Variants in ADGRL3 observed in about 807,000 individuals in gnomAD.
The protein encoded by ADGRL3 is adhesion G protein-coupled receptor L3.
A neutral mutation model predicts 153.5 loss-of-function variants in ADGRL3; 62 were observed. The observed-to-expected ratio is 0.40, with a 90% CI of 0.33 to 0.50. ADGRL3 has a LOEUF of 0.50. Ranked by LOEUF, ADGRL3 falls within the 20% of genes least tolerant of loss-of-function variation. The probability of loss-of-function intolerance (pLI) is 0.47; values close to 1 mark genes in which losing one functional copy is unlikely to be tolerated. For synonymous variants in ADGRL3, 710 were observed against 672.5 expected, an observed-to-expected ratio of 1.06 and a Z score of -0.86; for missense variants, 1,641 against 1,859.4, an observed-to-expected ratio of 0.88 and a Z score of 2.16.
chr4:61,844,013 C>G (rs1204861789), intron 9 of ADGRL3, among the ~76,000 whole-genome samples: 3 of 144,118 alleles, frequency 2.1e-5, no homozygotes, highest in Non-Finnish European at 4.6e-5. Context: ...GAGCAAAACC[C>G]TGTCTTGAAA....
At chr4:61,903,413 G>C (rs6813183) in intron 11 of ADGRL3, among the ~76,000 whole-genome samples, 101,845 of 151,896 alleles carry the variant, frequency 0.67, 34,471 homozygotes, top group Non-Finnish European at 0.72. Flanking sequence ...CTCGTCCCAA[G>C]CCCATGAGGG....
chr4:61,390,513 T>C (rs998770050), intron 2 of ADGRL3, among the ~76,000 whole-genome samples: 2 of 152,238 alleles, frequency 1.3e-5, no homozygotes, highest in African/African-American at 4.8e-5. Context: ...CATTTTGTTT[T>C]CTTGCAGGAG....
At chr4:61,737,092 A>T (rs1561149246) in intron 8 of ADGRL3, among the ~76,000 whole-genome samples, 2 of 151,886 alleles carry the variant, frequency 1.3e-5, no homozygotes, top group Non-Finnish European at 2.9e-5. Context: ...TTCCCCAAAG[A>T]AATTGCCTTT....
rs138462491 is a variant in ADGRL3 at position 61,389,489 on chromosome 4, A to G, written c.-174+6300A>G. ...TAATGTCTGTTTTTTTACAGAAATA[A>G]TATCCAGAGCCAGATGTTAATTTTC... On this transcript the variant is annotated intron_variant, in intron 2 of 26. Transcript: ENST00000683033. Among the ~76,000 whole-genome samples the G allele has an allele frequency of 1.5e-4, 23 of 152,302 alleles. No individual in the cohort carries two copies. In the East Asian group the frequency reaches 4.4e-3, roughly 29 times the overall value.
chr4:62,000,986 G>T lies in ADGRL3; in HGVS notation c.3395+2721G>T, dbSNP rs370305361. 2.6e-5 allele frequency among the ~76,000 whole-genome samples: 4 copies of T among 151,904 alleles called. No homozygotes were observed. In the South Asian group the frequency reaches 8.3e-4, roughly 31 times the overall value. ...TTTTATAGAGATGGGCTTTCACTAT[G>T]TTACCCAGGCTGGTCTCGAACTCCT... On this transcript the variant is annotated intron_variant, in intron 21 of 26. Coordinates refer to ENST00000683033, the MANE Select transcript of ADGRL3 (RefSeq NM_001387552.1).
At chr4:61,929,513 A>G (rs557056418) in intron 13 of ADGRL3, among the ~76,000 whole-genome samples, 1 of 152,190 alleles carries the variant, frequency 6.6e-6, no homozygotes, top group South Asian at 2.1e-4. Flanking sequence ...CATCAAACTA[A>G]TAACTTCAGA....
At chr4:61,697,813 A>G (rs981072533) in intron 6 of ADGRL3, among the ~76,000 whole-genome samples, 5 of 152,156 alleles carry the variant, frequency 3.3e-5, no homozygotes, top group African/African-American at 1.2e-4. Flanking sequence ...CCCAAGGCCT[A>G]ATAATTGTAG....
intron 2 of ADGRL3, among the ~76,000 whole-genome samples, chr4:61,401,926 G>C (rs2096934547): frequency 6.6e-6 from 1 of 152,048 alleles, no homozygotes; most frequent in Admixed American, 6.6e-5. Context: ...TAAAGGGCCA[G>C]ATAGTAAACA....
intron 4 of ADGRL3, among the ~76,000 whole-genome samples, chr4:61,563,219 G>A (rs1560847170): frequency 6.6e-6 from 1 of 152,148 alleles, no homozygotes; most frequent in Non-Finnish European, 1.5e-5. Context: ...GAGCTCCTGG[G>A]TGACAGAATG....
chr4:61,792,506 T>A (rs2097355570), intron 8 of ADGRL3, among the ~76,000 whole-genome samples: 1 of 116,308 alleles, frequency 8.6e-6, no homozygotes, highest in Admixed American at 9.2e-5. Flanking sequence ...ATTTTTTTTT[T>A]TTGAGACCGA....
At chr4:61,213,458 A>T (rs1469793164) in intron 1 of ADGRL3, among the ~76,000 whole-genome samples, 4 of 151,698 alleles carry the variant, frequency 2.6e-5, no homozygotes, top group Non-Finnish European at 4.4e-5. Flanking sequence ...TCATATTTAA[A>T]TTTTTTTTCT....
chr4:61,484,661 GTTA>G (rs1054095962), intron 2 of ADGRL3, among the ~76,000 whole-genome samples: 8 of 152,076 alleles, frequency 5.3e-5, no homozygotes, highest in African/African-American at 1.4e-4. Flanking sequence ...CAAAAAAGCT[GTTA>G]TTATTATTAT....
At chr4:61,488,244 A>C (rs917908653) in intron 2 of ADGRL3, among the ~76,000 whole-genome samples, 2 of 152,054 alleles carry the variant, frequency 1.3e-5, no homozygotes, top group African/African-American at 2.4e-5. Context: ...TCCTATTAAA[A>C]TTACCCTAGA....
chr4:61,535,642 A>AT (rs1037322063), intron 4 of ADGRL3, among the ~76,000 whole-genome samples: 5 of 151,080 alleles, frequency 3.3e-5, no homozygotes, highest in African/African-American at 1.2e-4. Flanking sequence ...TCAGGATTGT[A>AT]TTTTTTTTCC....
At chr4:61,629,877 T>C (rs775833817) in intron 5 of ADGRL3, among the ~76,000 whole-genome samples, 4 of 151,934 alleles carry the variant, frequency 2.6e-5, no homozygotes, top group Admixed American at 1.3e-4. Flanking sequence ...TGATATTCTG[T>C]AGAGACTAAT....
chr4:61,512,747 T>C (rs1008497270), intron 3 of ADGRL3, among the ~76,000 whole-genome samples: 8 of 151,792 alleles, frequency 5.3e-5, no homozygotes. Context: ...TATTAGAAAG[T>C]GGTGAGATTT....
rs185857423 is a variant in ADGRL3 at position 61,692,769 on chromosome 4, A to T, written c.583+15834A>T. ...TTCCTGTCTTAATGATAGTGTTAAT[A>T]CTTCTTTAAATTTTTGAATAGCTAT... On this transcript the variant is annotated intron_variant, in intron 6 of 26. Transcript: ENST00000683033. Among the ~76,000 whole-genome samples, 135 of 152,076 alleles carry T rather than the reference A, an allele frequency of 8.9e-4. 2 individuals carry two copies. Among genetic ancestry groups the T allele is most frequent in the African/African-American group, 3.2e-3 (132 of 41,504 alleles).
intron 9 of ADGRL3, among the ~76,000 whole-genome samples, chr4:61,886,664 CAG>C (rs908953304): frequency 2.1e-5 from 3 of 140,896 alleles, no homozygotes; most frequent in South Asian, 2.3e-4. Flanking sequence ...TTGTTTGTGA[CAG>C]AGTCTCACTC....
intron 3 of ADGRL3, among the ~76,000 whole-genome samples, chr4:61,511,146 T>C (rs1451153601): frequency 6.6e-6 from 1 of 152,096 alleles, no homozygotes; most frequent in Non-Finnish European, 1.5e-5. Context: ...TCACTTGAGG[T>C]AGGGAGTTCA....
Sources: allele counts gnomAD v4.1 joint callset (sites outside exome capture counted in the v4.1 genomes callset), GRCh38; gene constraint gnomAD v4.1.1; transcripts MANE v1.5; gene names NCBI Gene and HGNC (gene_info 2026-07-23, HGNC 2026-07-21).